Variants in CNTNAP3 observed in about 807,000 individuals in gnomAD.
CNTNAP3 encodes contactin associated protein family member 3.
Under a neutral mutation model 92.1 loss-of-function variants are expected in CNTNAP3, and 36 were observed. That is an observed-to-expected ratio of 0.39 (90% CI 0.30 to 0.52). CNTNAP3 has a LOEUF of 0.52. CNTNAP3 is among the 20% of genes least tolerant of loss of function. The pLI, the probability that CNTNAP3 is intolerant of heterozygous loss-of-function variation, is 0.76. For synonymous variants in CNTNAP3, 232 were observed against 422.3 expected (o/e 0.55, Z 5.53); for missense variants, 534 against 1,069.6 (o/e 0.50, Z 6.98).
chr9:39,170,061 T>A (rs1822229988), intron 8 of CNTNAP3, among the ~76,000 whole-genome samples: 1 of 254 alleles, frequency 3.9e-3, no homozygotes, highest in Non-Finnish European at 6.6e-3. Flanking sequence ...ATTTTAACCT[T>A]TCTTGGAAAA....
At chr9:39,080,792 G>T (rs1337724433) in intron 21 of CNTNAP3, among the ~76,000 whole-genome samples, 1 of 136,514 alleles carries the variant, frequency 7.3e-6, no homozygotes, top group Non-Finnish European at 1.6e-5. Flanking sequence ...CTCCCAAGTA[G>T]TTGGGACTAC....
chr9:39,125,765 A>C (rs912483964), intron 13 of CNTNAP3, among the ~76,000 whole-genome samples: 26 of 152,294 alleles, frequency 1.7e-4, no homozygotes, highest in African/African-American at 6.0e-4. Flanking sequence ...AAAGGGGTCA[A>C]TATAACAAGA....
At position 39,067,680 on chromosome 9, in the gene CNTNAP3, G is replaced by A. The variant is rs992075654; in HGVS notation, c.*6210C>T. 6.6e-6 allele frequency among the ~76,000 whole-genome samples: 1 copy of A among 152,306 alleles called. No individual in the cohort carries two copies. The highest frequency in any genetic ancestry group is 2.4e-5 in the African/African-American group (1 of 41,486). ...CAAAGTGCTGGGATTACAGGCATGA[G>A]CCACTGTGCCCGGCCTGGTGTTGGA... On this transcript the variant is annotated 3_prime_UTR_variant, in exon 24 of 24. Coordinates refer to ENST00000297668, the MANE Select transcript of CNTNAP3 (RefSeq NM_033655.5).
chr9:39,082,788 C>G (rs183087671), intron 21 of CNTNAP3, among the ~76,000 whole-genome samples: 354 of 152,380 alleles, frequency 2.3e-3, no homozygotes, highest in East Asian at 7.1e-3. Flanking sequence ...ACAGGTGCAG[C>G]CTTCATCTGC....
At chr9:39,076,340 A>C (rs997054898) in intron 23 of CNTNAP3, among the ~76,000 whole-genome samples, 6 of 152,304 alleles carry the variant, frequency 3.9e-5, no homozygotes, top group Non-Finnish European at 5.9e-5. Flanking sequence ...AATGAAAAAA[A>C]TCTCCTAAAA....
intron 14 of CNTNAP3, among the ~76,000 whole-genome samples, chr9:39,117,316 T>A (rs1003189669): frequency 6.6e-6 from 1 of 152,072 alleles, no homozygotes; most frequent in African/African-American, 2.4e-5. Flanking sequence ...AAGCACGTAC[T>A]CTACATGATC....
intron 10 of CNTNAP3, among the ~76,000 whole-genome samples, chr9:39,148,716 G>A (rs1437525966): frequency 3.3e-5 from 5 of 152,100 alleles, no homozygotes; most frequent in Non-Finnish European, 5.9e-5. Context: ...TAGTAGAGAC[G>A]GGGTTTCACC....
chr9:39,136,285 A>T (rs1449922593), intron 12 of CNTNAP3, among the ~76,000 whole-genome samples: 1 of 152,110 alleles, frequency 6.6e-6, no homozygotes, highest in Non-Finnish European at 1.5e-5. Flanking sequence ...TTTACTTAGT[A>T]TATCATATGA....
chr9:39,147,953 A>G lies in CNTNAP3; in HGVS notation c.1649+1853T>C, dbSNP rs1271938725. 3.3e-5 allele frequency among the ~76,000 whole-genome samples: 5 copies of G among 152,204 alleles called. No homozygotes were observed. In the East Asian group the frequency reaches 9.6e-4, roughly 29 times the overall value. On this transcript the variant is annotated intron_variant, in intron 10 of 23. Coordinates refer to ENST00000297668, the MANE Select transcript of CNTNAP3 (RefSeq NM_033655.5). ...TATCAAAATAATGTCATACAAGTGA[A>G]GAAAATCACACTTGCATCACAGTTG...
chr9:39,076,285 C>T (rs1401219576), intron 23 of CNTNAP3, among the ~76,000 whole-genome samples: 2 of 152,308 alleles, frequency 1.3e-5, no homozygotes, highest in African/African-American at 4.8e-5. Context: ...GACTTGGAAA[C>T]CTAGCGTGAA....
At chr9:39,092,504 ATAGTT>A (rs1826228527) in intron 18 of CNTNAP3, among the ~76,000 whole-genome samples, 1 of 135,108 alleles carries the variant, frequency 7.4e-6, no homozygotes, top group Admixed American at 7.2e-5. Flanking sequence ...TTCGGAGTGT[ATAGTT>A]TAATTTCCAC....
intron 3 of CNTNAP3, among the ~76,000 whole-genome samples, chr9:39,209,660 CT>C (rs1822597523): frequency 2.0e-5 from 1 of 49,684 alleles, no homozygotes; most frequent in Non-Finnish European, 3.8e-5. Context: ...CTCCCTCCCC[CT>C]TCCCCCCTCC....
chr9:39,089,931 GTTTT>G (rs1281051472), intron 18 of CNTNAP3, among the ~76,000 whole-genome samples: 1 of 151,758 alleles, frequency 6.6e-6, no homozygotes, highest in African/African-American at 2.4e-5. Flanking sequence ...TCAGTTGTTG[GTTTT>G]TTGTTTTTAT....
intron 13 of CNTNAP3, among the ~76,000 whole-genome samples, chr9:39,120,328 C>A (rs899561882): frequency 4.6e-5 from 7 of 152,098 alleles, no homozygotes; most frequent in African/African-American, 7.2e-5. Context: ...AAAGAATTGT[C>A]AACTATAAAT....
intron 13 of CNTNAP3, among the ~76,000 whole-genome samples, chr9:39,128,377 T>C (rs1317837126): frequency 6.6e-6 from 1 of 152,116 alleles, no homozygotes; most frequent in East Asian, 1.9e-4. Flanking sequence ...ATTAGAAATG[T>C]ATTTTTTAAA....
At chr9:39,081,264 T>A (rs1825926222) in intron 21 of CNTNAP3, among the ~76,000 whole-genome samples, 1 of 151,412 alleles carries the variant, frequency 6.6e-6, no homozygotes. Flanking sequence ...AACTCTTAAC[T>A]GTGGTGACAT....
chr9:39,179,340 C>CACACACACAG (rs1425353465), intron 4 of CNTNAP3, among the ~76,000 whole-genome samples: 2 of 109,186 alleles, frequency 1.8e-5, no homozygotes, highest in East Asian at 2.6e-4. Flanking sequence ...CACACACACA[C>CACACACACAG]AGGCACACAG....
intron 14 of CNTNAP3, among the ~76,000 whole-genome samples, chr9:39,110,375 G>A (rs1185442425): frequency 6.6e-6 from 1 of 152,038 alleles, no homozygotes; most frequent in Admixed American, 6.6e-5. Flanking sequence ...CAGCCTGGGT[G>A]GCAAAGTGAG....
chr9:39,113,830 C>T (rs927022729), intron 14 of CNTNAP3, among the ~76,000 whole-genome samples: 4 of 150,866 alleles, frequency 2.7e-5, no homozygotes, highest in Admixed American at 2.6e-4. Flanking sequence ...TATATGGCTG[C>T]TATATCAAGT....
Sources: allele counts gnomAD v4.1 joint callset (sites outside exome capture counted in the v4.1 genomes callset), GRCh38; gene constraint gnomAD v4.1.1; transcripts MANE v1.5; gene names NCBI Gene and HGNC (gene_info 2026-07-23, HGNC 2026-07-21).